Variants in RASSF3 observed in about 807,000 individuals in gnomAD.
RASSF3 encodes the protein ras association domain-containing protein 3.
A neutral mutation model predicts 19.9 loss-of-function variants in RASSF3; 19 were observed. The observed-to-expected ratio is 0.96, with a 90% CI of 0.67 to 1.40. RASSF3 has a LOEUF of 1.40. Among genes scored for constraint, RASSF3 ranks in the 40% most tolerant of loss-of-function variants. RASSF3 has a pLI of 0.00. For missense variants in RASSF3, 306 were observed against 289.8 expected (o/e 1.06, Z -0.41); for synonymous variants, 110 against 104.2 (o/e 1.06, Z -0.34).
chr12:64,692,730 TG>T (rs1302645264), intron 4 of RASSF3, among the ~76,000 whole-genome samples: 1 of 152,148 alleles, frequency 6.6e-6, no homozygotes, highest in Non-Finnish European at 1.5e-5. Flanking sequence ...TTTATTAACT[TG>T]GTTATTTTAT....
chr12:64,617,360 C>A (rs1870587220), intron 1 of RASSF3, among the ~76,000 whole-genome samples: 1 of 152,140 alleles, frequency 6.6e-6, no homozygotes. Context: ...ACTGTTCTAA[C>A]CTCTGGGGTT....
chr12:64,696,998 C>T lies in RASSF3; in HGVS notation c.*2086C>T. On this transcript the variant is annotated 3_prime_UTR_variant, in exon 5 of 5. Transcript: ENST00000542104. ...CCCAGTAAACTTATATTTTGTGAAG[C>T]ATTTGTTTCTCAGATTAAGACACTG... 1 of 150,814 alleles carries T rather than the reference C, an allele frequency of 6.6e-6. No individual in the cohort carries two copies. The highest frequency in any genetic ancestry group is 1.9e-4 in the East Asian group (1 of 5,176). The allele number at this position is 150,814 out of a possible 1,614,324, so 9.3% of individuals were successfully genotyped here.
At chr12:64,673,577 A>ATG (rs1282717888) in intron 1 of RASSF3, among the ~76,000 whole-genome samples, 4 of 152,116 alleles carry the variant, frequency 2.6e-5, no homozygotes, top group Non-Finnish European at 4.4e-5. Flanking sequence ...CCCCACAGAG[A>ATG]TCTCCGAGAG....
chr12:64,562,237 C>T (rs922859054), intron 2 of RASSF3, among the ~76,000 whole-genome samples: 3 of 151,934 alleles, frequency 2.0e-5, no homozygotes, highest in South Asian at 2.1e-4. Flanking sequence ...GACAGAGTTT[C>T]GCCATGTTGG....
At chr12:64,586,610 T>C (rs1869807716) in intron 2 of RASSF3, among the ~76,000 whole-genome samples, 1 of 151,230 alleles carries the variant, frequency 6.6e-6, no homozygotes, top group Non-Finnish European at 1.5e-5. Context: ...ATTTTGCAGA[T>C]GAGAAAAGTA....
chr12:64,668,256 T>TTCCTTCTTCTTC (rs1555215397), intron 1 of RASSF3, among the ~76,000 whole-genome samples: 23 of 148,910 alleles, frequency 1.5e-4, no homozygotes, highest in Admixed American at 1.3e-3. Context: ...TACCAATCCT[T>TTCCTTCTTCTTC]TTCTTCTTCT....
downstream of RASSF3, among the ~76,000 whole-genome samples, chr12:64,544,333 C>T (rs1044026720): frequency 2.6e-5 from 4 of 152,104 alleles, no homozygotes; most frequent in African/African-American, 4.8e-5. Context: ...AGCGAGACCA[C>T]GAACCAACCA....
At chr12:64,507,585 G>A (rs1031728935) in intron 1 of RASSF3, 12 of 289,130 alleles carry the variant, frequency 4.2e-5, no homozygotes, top group Admixed American at 2.1e-4. Context: ...TTTTGATTCC[G>A]AAAAGTTGAC....
rs1370335402 is a variant in RASSF3 at position 64,589,251 on chromosome 12, A to AC, written c.294+47548dup. On this transcript the variant is annotated intron_variant, in intron 2 of 5. Transcript: ENST00000637125. ...GATTATTTGAGGTCAGGAGTTCGAGACCAGCCTGGCCAACATGGTGAAACC... is the reference window on the plus strand; with the variant it reads ...GATTATTTGAGGTCAGGAGTTCGAGACCCAGCCTGGCCAACATGGTGAAACC... Among the ~76,000 whole-genome samples the AC allele has an allele frequency of 2.0e-5, 3 of 152,226 alleles. No individual in the cohort carries two copies. In the East Asian group the frequency reaches 5.8e-4, roughly 29 times the overall value.
rs558263743 is a variant in RASSF3 at position 64,642,642 on chromosome 12, GTTAA to G, written c.111+31905_111+31908del. 7.0e-3 allele frequency among the ~76,000 whole-genome samples: 947 copies of G among 135,350 alleles called. 11 individuals are homozygous for G. Among genetic ancestry groups the G allele is most frequent in the African/African-American group, 0.024 (890 of 37,064 alleles). The allele number at this position is 135,350 out of a possible 152,430, so 88.8% of individuals were successfully genotyped here. ...AAGTTTTGTAATTAATTAATACAAA[GTTAA>G]TTAATACAAATTAATACAAAGTTTT... is the stretch of plus-strand genomic sequence containing the variant. On this transcript the variant is annotated intron_variant, in intron 1 of 4. Coordinates refer to ENST00000542104, the MANE Select transcript of RASSF3 (RefSeq NM_178169.4).
chr12:64,650,139 C>T (rs1244831736), intron 1 of RASSF3, among the ~76,000 whole-genome samples: 2 of 152,224 alleles, frequency 1.3e-5, no homozygotes, highest in Non-Finnish European at 2.9e-5. Context: ...AGGGGATCCC[C>T]AGTATAAACT....
intron 1 of RASSF3, among the ~76,000 whole-genome samples, chr12:64,510,962 G>A (rs1362839227): frequency 6.6e-6 from 1 of 152,216 alleles, no homozygotes; most frequent in Non-Finnish European, 1.5e-5. Context: ...TTGTGCTACT[G>A]AGAGCTGTGT....
chr12:64,691,714 G>A (rs1304666440), intron 4 of RASSF3, 135 bp downstream of exon 4: 3 of 686,374 alleles, frequency 4.4e-6, no homozygotes, highest in East Asian at 2.8e-5. Flanking sequence ...GGGAAGAGAA[G>A]AGAGTTGGAG....
intron 1 of RASSF3, among the ~76,000 whole-genome samples, chr12:64,665,075 C>G (rs1872502407): frequency 6.6e-6 from 1 of 152,122 alleles, no homozygotes; most frequent in South Asian, 2.1e-4. Context: ...GGTATGAAGT[C>G]CTCTGTTGGT....
Position 64,688,220 on chromosome 12 carries a change from C to T in RASSF3, c.224C>T (p.Ser75Leu). Residue 75 changes from serine (S) to leucine (L), a missense_variant, in exon 3 of 5, where the codon TCA (serine) becomes TTA (leucine). By Grantham distance (145) the Ser-to-Leu change is moderately radical. Transcript: ENST00000542104. ...VTDKLKMTLN[S>L]NGIYTGFIKV... is the part of the protein sequence containing the mutation. ...GTGCTTCTCTCCCTGCTTCAGAATT[C>T]AAATGGGATTTACACTGGCTTCATT... The T allele has an allele frequency of 6.2e-7, 1 of 1,612,278 alleles. No homozygotes were observed. Among genetic ancestry groups the T allele is most frequent in the Non-Finnish European group, 8.5e-7 (1 of 1,178,308 alleles).
At chr12:64,521,971 C>A (rs528053224) in intron 1 of RASSF3, among the ~76,000 whole-genome samples, 1 of 152,202 alleles carries the variant, frequency 6.6e-6, no homozygotes, top group South Asian at 2.1e-4. Flanking sequence ...TTGGTTGATT[C>A]ATCTCAATTG....
intron 1 of RASSF3, among the ~76,000 whole-genome samples, chr12:64,643,158 G>T (rs565125852): frequency 6.7e-6 from 1 of 148,318 alleles, no homozygotes; most frequent in Admixed American, 6.7e-5. Flanking sequence ...GAGCCATCAC[G>T]CCTGGCCCGG....
At chr12:64,587,953 A>G (rs1869843522) in intron 2 of RASSF3, among the ~76,000 whole-genome samples, 1 of 152,172 alleles carries the variant, frequency 6.6e-6, no homozygotes, top group Non-Finnish European at 1.5e-5. Context: ...TTAAGTTTCT[A>G]TATTTACCAA....
At chr12:64,621,792 A>G (rs1195590989) in intron 1 of RASSF3, among the ~76,000 whole-genome samples, 1 of 152,114 alleles carries the variant, frequency 6.6e-6, no homozygotes. Flanking sequence ...GAAATACTTC[A>G]GAATGTGTTT....
Sources: allele counts gnomAD v4.1 joint callset (sites outside exome capture counted in the v4.1 genomes callset), GRCh38; gene constraint gnomAD v4.1.1; transcripts MANE v1.5; gene names NCBI Gene and HGNC (gene_info 2026-07-23, HGNC 2026-07-21).